CALD1: variants seen among roughly 807,000 people sequenced by gnomAD.
CALD1 encodes the protein caldesmon.
Under a neutral mutation model 99.9 loss-of-function variants are expected in CALD1, and 33 were observed. That is an observed-to-expected ratio of 0.33 (90% CI 0.25 to 0.44). CALD1 has a LOEUF of 0.44. Ranked by LOEUF, CALD1 falls within the 20% of genes least tolerant of loss-of-function variation. The pLI is 1.00. For missense variants in CALD1, 861 were observed against 962.1 expected, an observed-to-expected ratio of 0.89 and a Z score of 1.39; for synonymous variants, 310 against 325.0, an observed-to-expected ratio of 0.95 and a Z score of 0.50.
intron 1 of CALD1, among the ~76,000 whole-genome samples, chr7:134,765,092 G>A (rs867780048): frequency 6.6e-6 from 1 of 152,140 alleles, no homozygotes. Flanking sequence ...TGAGGTGGGT[G>A]GATCATGAGG....
the CALD1 span, among the ~76,000 whole-genome samples, chr7:134,739,104 A>G: frequency 9.0e-3 from 1,366 of 152,308 alleles, 23 homozygotes; most frequent in African/African-American, 0.032. Context: ...AAGTCATAGA[A>G]GCAACGTAAG....
chr7:134,825,018 A>G (rs1702514357), intron 1 of CALD1, among the ~76,000 whole-genome samples: 1 of 152,166 alleles, frequency 6.6e-6, no homozygotes. Context: ...ATGCAGTAAC[A>G]TCTCTAAACT....
chr7:134,734,956 T>TC, the CALD1 span: 1 of 199,544 alleles, frequency 5.0e-6, no homozygotes, highest in East Asian at 1.3e-4. Flanking sequence ...AGCCGTGGCA[T>TC]CATGGTACTG....
chr7:134,731,641 G>T, the CALD1 span, among the ~76,000 whole-genome samples: 2 of 140,082 alleles, frequency 1.4e-5, no homozygotes, highest in African/African-American at 2.7e-5. Flanking sequence ...TTTCATCCCT[G>T]TGTCTCCTCC....
intron 9 of CALD1, among the ~76,000 whole-genome samples, chr7:134,953,139 ATAT>A (rs1261189363): frequency 6.6e-6 from 1 of 152,132 alleles, no homozygotes; most frequent in Non-Finnish European, 1.5e-5. Context: ...ATGTCATGAA[ATAT>A]TATTCTTCTT....
chr7:134,756,854 C>A (rs950071237), intron 1 of CALD1, among the ~76,000 whole-genome samples: 1 of 152,118 alleles, frequency 6.6e-6, no homozygotes, highest in Non-Finnish European at 1.5e-5. Flanking sequence ...CCCGTAGGAA[C>A]CTTAAATGCC....
intron 13 of CALD1, 97 bp downstream of exon 13, chr7:134,960,725 G>A: frequency 1.4e-6 from 1 of 717,406 alleles, no homozygotes; most frequent in South Asian, 1.7e-5. Flanking sequence ...GAATGGCAGT[G>A]CCCCTGTTCT....
intron 1 of CALD1, among the ~76,000 whole-genome samples, chr7:134,805,457 T>A (rs979795327): frequency 3.2e-4 from 48 of 152,192 alleles, no homozygotes; most frequent in Non-Finnish European, 5.9e-4. Context: ...ATCCTGATCC[T>A]CTTTCATAGA....
intron 3 of CALD1, among the ~76,000 whole-genome samples, chr7:134,892,321 C>T (rs894317985): frequency 1.3e-5 from 2 of 152,144 alleles, no homozygotes; most frequent in African/African-American, 4.8e-5. Context: ...CTCAACTTAC[C>T]CCAAAGCAGA....
At chr7:134,748,730 C>A (rs71530317) in intron 1 of CALD1, among the ~76,000 whole-genome samples, 16,726 of 110,112 alleles carry the variant, frequency 0.15, 1,238 homozygotes, top group Admixed American at 0.24. Context: ...CCAAAAAAAA[C>A]CAAAAAAACA....
At chr7:134,736,869 G>A in the CALD1 span, among the ~76,000 whole-genome samples, 2 of 152,070 alleles carry the variant, frequency 1.3e-5, no homozygotes, top group Admixed American at 1.3e-4. Flanking sequence ...CTTCATTAAA[G>A]TTTCTCATGC....
intron 3 of CALD1, among the ~76,000 whole-genome samples, chr7:134,873,778 A>C (rs138248464): frequency 7.2e-5 from 11 of 152,308 alleles, no homozygotes; most frequent in African/African-American, 2.6e-4. Context: ...CCCTTACAAA[A>C]TGGGGGTAGT....
At chr7:134,811,229 G>A (rs941046333) in intron 1 of CALD1, among the ~76,000 whole-genome samples, 5 of 152,086 alleles carry the variant, frequency 3.3e-5, no homozygotes, top group Non-Finnish European at 5.9e-5. Context: ...ATGCTGAATC[G>A]AACTGAATTC....
At chr7:134,722,048 C>T in the CALD1 span, among the ~76,000 whole-genome samples, 2 of 152,154 alleles carry the variant, frequency 1.3e-5, no homozygotes, top group African/African-American at 4.8e-5. Flanking sequence ...AAAGCTAGAG[C>T]ACAGCTAAAA....
At chr7:134,857,393 G>A (rs1213898264) in intron 2 of CALD1, among the ~76,000 whole-genome samples, 1 of 151,552 alleles carries the variant, frequency 6.6e-6, no homozygotes, top group Non-Finnish European at 1.5e-5. Context: ...TCCCGGCCTC[G>A]TGATCCGCCC....
chr7:134,787,786 A>G (rs1349045631), intron 1 of CALD1, among the ~76,000 whole-genome samples: 1 of 152,196 alleles, frequency 6.6e-6, no homozygotes. Flanking sequence ...TACATGGATT[A>G]TATTCACTAA....
At chr7:134,767,983 C>G (rs1469531340) in intron 1 of CALD1, among the ~76,000 whole-genome samples, 2 of 152,190 alleles carry the variant, frequency 1.3e-5, no homozygotes, top group Non-Finnish European at 2.9e-5. Context: ...CCATTGGAGA[C>G]TGGGAGAAAT....
intron 3 of CALD1, chr7:134,891,632 A>T (rs759761507): frequency 6.2e-7 from 1 of 1,609,338 alleles, no homozygotes. Context: ...TGCTGGGTGG[A>T]TCCGGATCGC....
intron 2 of CALD1, among the ~76,000 whole-genome samples, chr7:134,845,808 A>G (rs544034302): frequency 6.6e-6 from 1 of 152,338 alleles, no homozygotes; most frequent in South Asian, 2.1e-4. Flanking sequence ...CTGCTAGATA[A>G]CAGGAGAAGG....
Sources: allele counts gnomAD v4.1 joint callset (sites outside exome capture counted in the v4.1 genomes callset), GRCh38; gene constraint gnomAD v4.1.1; transcripts MANE v1.5; gene names NCBI Gene and HGNC (gene_info 2026-07-23, HGNC 2026-07-21).